Variants in DMD observed in about 807,000 individuals in gnomAD.
DMD encodes dystrophin.
Under a neutral mutation model 330.1 loss-of-function variants are expected in DMD, and 63 were observed. That is an observed-to-expected ratio of 0.19 (90% CI 0.16 to 0.24). The LOEUF is 0.24. Ranked by LOEUF, DMD falls within the 10% of genes least tolerant of loss-of-function variation. The pLI is 1.00. For synonymous variants in DMD, 1,223 were observed against 959.8 expected, an observed-to-expected ratio of 1.27 and a Z score of -5.07; for missense variants, 3,344 against 2,684.1, an observed-to-expected ratio of 1.25 and a Z score of -5.43.
chrX:31,569,621 T>C lies in DMD; in HGVS notation c.8217+58052A>G, dbSNP rs187166654. On this transcript the variant is annotated intron_variant, in intron 55 of 78. Coordinates refer to ENST00000357033, the MANE Select transcript of DMD (RefSeq NM_004006.3). ...ACACATATATGTATATACGTATATA[T>C]ACGTATATACGTATATATATGTATA... 5.8e-3 allele frequency among the ~76,000 whole-genome samples: 571 copies of C among 98,690 alleles called. 1 individual carries two copies. Among genetic ancestry groups the C allele is most frequent in the East Asian group, 0.014 (45 of 3,194 alleles). 85.7% of individuals were successfully genotyped at this position (98,690 alleles called of 115,157 possible).
intron 37 of DMD, among the ~76,000 whole-genome samples, chrX:32,352,261 C>G (rs1252101986): frequency 9.1e-6 from 1 of 110,461 alleles, no homozygotes; most frequent in Non-Finnish European, 1.9e-5. Flanking sequence ...ATTTTATAAC[C>G]TTACAGTAAG....
At chrX:31,318,690 G>T (rs921706870) in intron 62 of DMD, among the ~76,000 whole-genome samples, 1 of 112,024 alleles carries the variant, frequency 8.9e-6, no homozygotes. Context: ...GACATGAGTT[G>T]CTTCTTGAGC....
At chrX:31,434,442 A>G (rs202168388) in intron 60 of DMD, among the ~76,000 whole-genome samples, 8,073 of 99,981 alleles carry the variant, frequency 0.081, 426 homozygotes, top group East Asian at 0.25. Flanking sequence ...ACACACACAC[A>G]CACACACACA....
intron 61 of DMD, among the ~76,000 whole-genome samples, chrX:31,337,825 A>G (rs1365130342): frequency 8.9e-6 from 1 of 111,946 alleles, no homozygotes; most frequent in African/African-American, 3.2e-5. Context: ...AGAAACAGAC[A>G]TTTGTCTCAT....
At chrX:32,258,137 T>C (rs2097306912) in intron 43 of DMD, among the ~76,000 whole-genome samples, 2 of 111,560 alleles carry the variant, frequency 1.8e-5, no homozygotes, top group African/African-American at 6.5e-5. Flanking sequence ...CCAGTTAGAA[T>C]GGCGAACATT....
chrX:32,320,740 G>T (rs2097609131), intron 41 of DMD, among the ~76,000 whole-genome samples: 1 of 111,714 alleles, frequency 9.0e-6, no homozygotes, highest in Non-Finnish European at 1.9e-5. Flanking sequence ...AAGAAAGAAA[G>T]ATTTGTTTCT....
chrX:33,180,300 C>T (rs1402061386), intron 1 of DMD, among the ~76,000 whole-genome samples: 2 of 111,646 alleles, frequency 1.8e-5, no homozygotes, highest in Non-Finnish European at 1.9e-5. Context: ...TATTCCCATT[C>T]TAAATATTTA....
chrX:31,721,640 A>G (rs2085489807), intron 52 of DMD, among the ~76,000 whole-genome samples: 1 of 89,645 alleles, frequency 1.1e-5, no homozygotes, highest in Non-Finnish European at 2.2e-5. Flanking sequence ...TATATATAAT[A>G]TTATTATATA....
At chrX:33,074,746 CCCT>C (rs1209015106) in intron 1 of DMD, among the ~76,000 whole-genome samples, 1 of 111,296 alleles carries the variant, frequency 9.0e-6, no homozygotes, top group East Asian at 2.8e-4. Flanking sequence ...AGCAAGAAGG[CCCT>C]CACCAGATGT....
At chrX:32,593,995 C>A (rs1156871898) in intron 13 of DMD, among the ~76,000 whole-genome samples, 1 of 112,157 alleles carries the variant, frequency 8.9e-6, no homozygotes, top group African/African-American at 3.2e-5. Flanking sequence ...TATTACACTT[C>A]ATAAGCTATG....
chrX:32,012,495 C>T (rs1400698906), intron 44 of DMD, among the ~76,000 whole-genome samples: 3 of 111,797 alleles, frequency 2.7e-5, no homozygotes, highest in Non-Finnish European at 5.6e-5. Flanking sequence ...TTTCTTCTCC[C>T]TCATAATTCT....
intron 1 of DMD, among the ~76,000 whole-genome samples, chrX:33,327,244 G>C (rs2054101433): frequency 9.0e-6 from 1 of 111,658 alleles, no homozygotes; most frequent in Non-Finnish European, 1.9e-5. Context: ...GGGAAGTGTG[G>C]CAAGGGGACT....
chrX:32,118,283 T>C (rs930943525), intron 44 of DMD, among the ~76,000 whole-genome samples: 4 of 111,951 alleles, frequency 3.6e-5, no homozygotes, highest in African/African-American at 1.3e-4. Context: ...AAACCCTGTG[T>C]TTCTGGATTT....
chrX:32,634,344 A>C (rs1036139430), intron 11 of DMD, among the ~76,000 whole-genome samples: 22 of 111,525 alleles, frequency 2.0e-4, no homozygotes, highest in Non-Finnish European at 4.1e-4. Flanking sequence ...TCAAACTGGA[A>C]CCCAAGCTGC....
At chrX:32,336,204 A>C (rs904501137) in intron 41 of DMD, among the ~76,000 whole-genome samples, 10 of 110,534 alleles carry the variant, frequency 9.0e-5, no homozygotes, top group African/African-American at 3.3e-4. Flanking sequence ...ATATATATAC[A>C]TGACATGTTA....
intron 52 of DMD, among the ~76,000 whole-genome samples, chrX:31,717,018 G>T (rs1264520456): frequency 1.8e-5 from 2 of 111,024 alleles, no homozygotes; most frequent in Non-Finnish European, 3.8e-5. Flanking sequence ...GTGATCTTAT[G>T]CAAAATATTA....
chrX:32,874,930 A>G lies in DMD; in HGVS notation c.94-25110T>C, dbSNP rs949928735. On this transcript the variant is annotated intron_variant, in intron 2 of 78. Coordinates refer to ENST00000357033, the MANE Select transcript of DMD (RefSeq NM_004006.3). ...TAAGCATTAAGTGAATCTGTCTTGA[A>G]CCCTCCAGACCAGCACATCCACTAG... is the stretch of plus-strand genomic sequence containing the variant. 3.6e-5 allele frequency among the ~76,000 whole-genome samples: 4 copies of G among 111,037 alleles called. No individual in the cohort carries two copies. The East Asian group carries it at 8.6e-4, about 24-fold the overall frequency.
intron 55 of DMD, among the ~76,000 whole-genome samples, chrX:31,586,582 T>C (rs778067979): frequency 8.9e-6 from 1 of 112,674 alleles, no homozygotes; most frequent in East Asian, 2.8e-4. Context: ...CCCTTGACTA[T>C]TCCTGTTTAT....
intron 40 of DMD, 99 bp downstream of exon 40, chrX:32,343,035 G>A (rs916473131): frequency 1.0e-5 from 9 of 879,675 alleles, no homozygotes; most frequent in African/African-American, 5.9e-5. Flanking sequence ...CAAAGAGAAC[G>A]TTAATAGAAA....
Sources: gnomAD v4.1 joint callset for allele counts (sites outside exome capture counted in the v4.1 genomes callset) on GRCh38, gnomAD v4.1.1 for gene constraint, MANE v1.5 for transcripts, NCBI Gene and HGNC (gene_info 2026-07-23, HGNC 2026-07-21) for gene names.